The following ST8SIA4 variants were observed in gnomAD, a reference collection of about 807,000 sequenced individuals.
ST8SIA4 encodes the protein ST8 alpha-N-acetyl-neuraminide alpha-2,8-sialyltransferase 4.
ST8SIA4 carries 15 observed loss-of-function variants against 33.9 expected under a neutral mutation model. That is an observed-to-expected ratio of 0.44 (90% CI 0.30 to 0.68). The LOEUF is 0.68. Among genes scored for constraint, ST8SIA4 ranks in the 30% least tolerant of loss-of-function variants. The pLI, the probability that ST8SIA4 is intolerant of heterozygous loss-of-function variation, is 0.10. For missense variants in ST8SIA4, 321 were observed against 428.0 expected, an observed-to-expected ratio of 0.75 and a Z score of 2.21; for synonymous variants, 171 against 151.2, an observed-to-expected ratio of 1.13 and a Z score of -0.96.
Position 100,828,277 on chromosome 5 carries a change from C to T in ST8SIA4, c.798-16148G>A, listed in dbSNP as rs183958191. Among the ~76,000 whole-genome samples the T allele has an allele frequency of 2.6e-5, 4 of 152,278 alleles. No homozygotes were observed. In the East Asian group the frequency reaches 5.8e-4, roughly 22 times the overall value. On this transcript the variant is annotated intron_variant, in intron 4 of 4. Coordinates refer to ENST00000231461, the MANE Select transcript of ST8SIA4 (RefSeq NM_005668.6). The stretch of plus-strand genomic sequence containing the variant: ...CTGATGAGTAATAAATTGATACGTG[C>T]TGAAATAAGGAACATTTTTGTCAGC...
At chr5:100,852,114 CT>C (rs773074391) in intron 4 of ST8SIA4, among the ~76,000 whole-genome samples, 19,822 of 83,146 alleles carry the variant, frequency 0.24, 1,457 homozygotes, top group Middle Eastern at 0.28. Flanking sequence ...CTCCACTCTT[CT>C]TTTTTTTTTT....
At chr5:100,902,652 C>T (rs1266543827) in intron 1 of ST8SIA4, among the ~76,000 whole-genome samples, 191 bp downstream of exon 1, 1 of 152,226 alleles carries the variant, frequency 6.6e-6, no homozygotes, top group Non-Finnish European at 1.5e-5. Context: ...GCAAGTTGAA[C>T]TCATACTGGG....
chr5:100,901,229 C>T (rs1752902951), intron 1 of ST8SIA4, among the ~76,000 whole-genome samples: 1 of 152,170 alleles, frequency 6.6e-6, no homozygotes, highest in Admixed American at 6.5e-5. Flanking sequence ...CAGTATCTGG[C>T]GACCCTCTTC....
intron 4 of ST8SIA4, among the ~76,000 whole-genome samples, chr5:100,847,437 A>G (rs1204932793): frequency 6.6e-6 from 1 of 152,050 alleles, no homozygotes; most frequent in Non-Finnish European, 1.5e-5. Flanking sequence ...CTGCAAACCC[A>G]TGACATTCAC....
chr5:100,849,579 G>A, intron 4 of ST8SIA4: 1 of 401,978 alleles, frequency 2.5e-6, no homozygotes, highest in Non-Finnish European at 3.4e-6. Context: ...GTTGCAGTTC[G>A]AGAGCAGCCT....
At chr5:100,902,361 G>A (rs916771472) in intron 1 of ST8SIA4, among the ~76,000 whole-genome samples, 1 of 141,936 alleles carries the variant, frequency 7.0e-6, no homozygotes, top group Admixed American at 7.1e-5. Context: ...TCTATCCAAC[G>A]TCAAATAGAA....
chr5:100,870,859 A>T (rs1032405285), intron 3 of ST8SIA4, among the ~76,000 whole-genome samples: 4 of 152,142 alleles, frequency 2.6e-5, no homozygotes, highest in African/African-American at 9.6e-5. Context: ...TCACAATTTA[A>T]TTAGTTTTAT....
chr5:100,840,787 G>A (rs1349201144), intron 4 of ST8SIA4, among the ~76,000 whole-genome samples: 4 of 149,460 alleles, frequency 2.7e-5, no homozygotes, highest in Non-Finnish European at 3.0e-5. Context: ...AAGAATATAA[G>A]AAAAAAAAAA....
chr5:100,895,700 T>C lies in ST8SIA4; in HGVS notation c.199A>G (p.Asn67Asp). 1 of 1,612,878 alleles carries C rather than the reference T, an allele frequency of 6.2e-7. No homozygotes were observed. The highest frequency in any genetic ancestry group is 8.5e-7 in the Non-Finnish European group (1 of 1,179,124). Residue 67 changes from asparagine to aspartate, a missense_variant, in exon 2 of 5, where the codon AAT (asparagine) becomes GAT (aspartate). Transcript: ENST00000231461. Reference protein sequence around the residue: ...RKAGSSIFQHNVEGWKINSSL... With the variant: ...RKAGSSIFQHDVEGWKINSSL... ...GAATTGATTTTCCAACCTTCTACAT[T>C]GTGCTGGAAGATTGAAGAGCCAGCC...
intron 3 of ST8SIA4, among the ~76,000 whole-genome samples, chr5:100,858,023 T>C (rs1291406334): frequency 6.6e-6 from 1 of 152,038 alleles, no homozygotes; most frequent in Non-Finnish European, 1.5e-5. Flanking sequence ...GTAAGAATAT[T>C]ACAAACAGGA....
intron 3 of ST8SIA4, among the ~76,000 whole-genome samples, chr5:100,882,489 T>C (rs1438644062): frequency 6.6e-6 from 1 of 152,160 alleles, no homozygotes; most frequent in African/African-American, 2.4e-5. Flanking sequence ...TGATAGAAAA[T>C]AAAAACCTAT....
chr5:100,846,117 C>T (rs2058366216), intron 4 of ST8SIA4, among the ~76,000 whole-genome samples: 1 of 151,958 alleles, frequency 6.6e-6, no homozygotes, highest in African/African-American at 2.4e-5. Flanking sequence ...AACAAACTAT[C>T]CAGATTACAT....
chr5:100,845,398 A>G (rs1256185060), intron 4 of ST8SIA4, among the ~76,000 whole-genome samples: 1 of 151,436 alleles, frequency 6.6e-6, no homozygotes, highest in East Asian at 1.9e-4. Flanking sequence ...TAGTTAAAAT[A>G]TATTAATTAT....
chr5:100,884,826 C>A (rs1287385997), intron 3 of ST8SIA4, among the ~76,000 whole-genome samples: 1 of 152,176 alleles, frequency 6.6e-6, no homozygotes, highest in Non-Finnish European at 1.5e-5. Context: ...AAGCAGTCTT[C>A]ATTTCAGAGT....
intron 3 of ST8SIA4, among the ~76,000 whole-genome samples, chr5:100,883,991 G>T (rs1752483523): frequency 6.6e-6 from 1 of 152,072 alleles, no homozygotes; most frequent in Non-Finnish European, 1.5e-5. Flanking sequence ...TAGTGGACAA[G>T]AAACTAAGAA....
intron 4 of ST8SIA4, among the ~76,000 whole-genome samples, chr5:100,823,218 G>C (rs2112406124): frequency 1.3e-5 from 2 of 152,250 alleles, no homozygotes; most frequent in Middle Eastern, 3.4e-3. Flanking sequence ...CATTCTCACT[G>C]CTACACTCCC....
rs936069817 is a variant in ST8SIA4, at chr5:100,814,826, A to G, written c.798-2697T>C. 8.5e-5 allele frequency among the ~76,000 whole-genome samples: 13 copies of G among 152,078 alleles called. No homozygotes were observed. The East Asian group carries it at 2.5e-3, about 29-fold the overall frequency. On this transcript the variant is annotated intron_variant, in intron 4 of 4. Coordinates refer to ENST00000231461, the MANE Select transcript of ST8SIA4 (RefSeq NM_005668.6). Reference sequence around the variant, plus strand: ...TCTTCTTTTTAATTCTGTCAGCATAATTGGTTAGATAATATTTATCAGCAT... The same window carrying G: ...TCTTCTTTTTAATTCTGTCAGCATAGTTGGTTAGATAATATTTATCAGCAT...
rs138534471 is a variant in ST8SIA4 at position 100,829,124 on chromosome 5, G to A, written c.798-16995C>T. Among the ~76,000 whole-genome samples the A allele has an allele frequency of 3.1e-3, 478 of 152,256 alleles. 3 individuals carry two copies. The highest frequency in any genetic ancestry group is 0.011 in the African/African-American group (443 of 41,542). The stretch of plus-strand genomic sequence containing the variant: ...CATAGGAGCATCAGTGTGTATTCAC[G>A]CTTGCTCTCACCTCACTGCCATGCT... On this transcript the variant is annotated intron_variant, in intron 4 of 4. Transcript: ENST00000231461.
At chr5:100,887,752 G>A (rs1345539308) in intron 2 of ST8SIA4, among the ~76,000 whole-genome samples, 1 of 151,956 alleles carries the variant, frequency 6.6e-6, no homozygotes, top group African/African-American at 2.4e-5. Flanking sequence ...TTGAATAATT[G>A]TTTAAAATGT....
Sources: gnomAD v4.1 joint callset for allele counts (sites outside exome capture counted in the v4.1 genomes callset) on GRCh38, gnomAD v4.1.1 for gene constraint, MANE v1.5 for transcripts, NCBI Gene and HGNC (gene_info 2026-07-23, HGNC 2026-07-21) for gene names.